The following IMPA1 variants were observed in gnomAD, a reference collection of about 807,000 sequenced individuals.
IMPA1 encodes the protein inositol monophosphatase 1.
IMPA1 carries 21 observed loss-of-function variants against 34.9 expected under a neutral mutation model. That is an observed-to-expected ratio of 0.60 (90% CI 0.43 to 0.87). The LOEUF (loss-of-function observed/expected upper bound fraction) is 0.87. Among genes scored for constraint, IMPA1 ranks in the 40% least tolerant of loss-of-function variants. IMPA1 has a pLI of 0.00. For missense variants in IMPA1, 299 were observed against 336.4 expected (o/e 0.89, Z 0.87); for synonymous variants, 95 against 104.4 (o/e 0.91, Z 0.55).
At chr8:81,684,294 CTATA>C (rs578094112) in intron 1 of IMPA1, among the ~76,000 whole-genome samples, 62 of 140,236 alleles carry the variant, frequency 4.4e-4, no homozygotes, top group African/African-American at 1.6e-3. Flanking sequence ...TATTTAGATA[CTATA>C]TATAGTATAT....
intron 6 of IMPA1, 62 bp downstream of exon 6, chr8:81,673,779 A>G: frequency 2.1e-6 from 2 of 946,772 alleles, no homozygotes; most frequent in Non-Finnish European, 3.4e-6. Flanking sequence ...GGTGAATATT[A>G]AAAAACAATA....
chr8:81,680,951 C>CTT (rs1807281686), intron 2 of IMPA1, among the ~76,000 whole-genome samples, 168 bp from the exon 3 acceptor site: 1 of 152,070 alleles, frequency 6.6e-6, no homozygotes, highest in South Asian at 2.1e-4. Flanking sequence ...ATAGTTACGT[C>CTT]TTTCTAAAAA....
intron 7 of IMPA1, among the ~76,000 whole-genome samples, chr8:81,661,319 T>A (rs1806666788): frequency 6.6e-6 from 1 of 152,222 alleles, no homozygotes; most frequent in Non-Finnish European, 1.5e-5. Flanking sequence ...TGTCAAAGTG[T>A]CTCTCCACAA....
intron 7 of IMPA1, among the ~76,000 whole-genome samples, chr8:81,668,641 C>CA (rs952139618): frequency 4.6e-5 from 7 of 151,834 alleles, no homozygotes; most frequent in Non-Finnish European, 2.9e-5. Flanking sequence ...GGAAGCAGAG[C>CA]AAAAAAATTT....
intron 3 of IMPA1, 32 bp from the exon 4 acceptor site, chr8:81,679,262 T>A (rs1281879135): frequency 1.5e-6 from 2 of 1,308,028 alleles, no homozygotes; most frequent in Non-Finnish European, 2.2e-6. Context: ...CTCTTAATCT[T>A]TACACTGATT....
intron 2 of IMPA1, 140 bp downstream of exon 2, chr8:81,681,358 C>T (rs1282216844): frequency 1.1e-5 from 7 of 608,750 alleles, no homozygotes; most frequent in Non-Finnish European, 1.8e-5. Context: ...ATGTTCCTGC[C>T]ACTACATTCC....
chr8:81,685,534 G>A (rs1807487601), intron 1 of IMPA1, among the ~76,000 whole-genome samples: 1 of 143,838 alleles, frequency 7.0e-6, no homozygotes, highest in South Asian at 2.1e-4. Flanking sequence ...CTATATATAA[G>A]TATATATACG....
intron 5 of IMPA1, chr8:81,674,174 C>T: frequency 4.7e-6 from 2 of 427,592 alleles, no homozygotes; most frequent in South Asian, 9.5e-5. Flanking sequence ...TAAGAACACC[C>T]ACCTTACTTC....
intron 7 of IMPA1, among the ~76,000 whole-genome samples, chr8:81,670,171 T>C (rs551568349): frequency 2.0e-5 from 3 of 152,102 alleles, no homozygotes; most frequent in Non-Finnish European, 4.4e-5. Context: ...ACTCTCCTTG[T>C]GAAAATTTAA....
Position 81,684,685 on chromosome 8 carries a change from T to A in IMPA1, c.-25+1567A>T, listed in dbSNP as rs1257052144. Reference sequence around the variant, plus strand: ...TACACATAAGTATATTTAGATACTATGTGGAGTATAAATACTACACATAAG... The same window carrying A: ...TACACATAAGTATATTTAGATACTAAGTGGAGTATAAATACTACACATAAG... On this transcript the variant is annotated intron_variant, in intron 1 of 8. Transcript: ENST00000256108. Among the ~76,000 whole-genome samples, 8 of 83,974 alleles carry A rather than the reference T, an allele frequency of 9.5e-5. No homozygotes were observed. In the South Asian group the frequency reaches 2.5e-3, roughly 26 times the overall value. 55.1% of individuals were successfully genotyped at this position (83,974 alleles called of 152,430 possible).
chr8:81,679,874 G>C (rs1394762419), intron 3 of IMPA1, among the ~76,000 whole-genome samples: 1 of 151,934 alleles, frequency 6.6e-6, no homozygotes, highest in South Asian at 2.1e-4. Flanking sequence ...TGGTGGCTCA[G>C]GTCTGTAATC....
At chr8:81,678,987 TTA>T (rs1228421036) in intron 4 of IMPA1, 137 bp downstream of exon 4, 5 of 579,958 alleles carry the variant, frequency 8.6e-6, no homozygotes, top group Non-Finnish European at 1.5e-5. Context: ...CTTTTACATT[TTA>T]TATATACTTT....
chr8:81,669,766 T>C (rs1442465092), intron 7 of IMPA1, among the ~76,000 whole-genome samples: 1 of 152,156 alleles, frequency 6.6e-6, no homozygotes, highest in Admixed American at 6.5e-5. Context: ...GGTGGAATGC[T>C]GTGGTTTGAA....
intron 1 of IMPA1, among the ~76,000 whole-genome samples, chr8:81,683,778 A>G (rs1807374006): frequency 8.9e-6 from 1 of 111,968 alleles, no homozygotes; most frequent in Non-Finnish European, 1.7e-5. Context: ...TGAGGTCCTG[A>G]GTCTGGATAA....
chr8:81,666,267 TA>T (rs1028287393), intron 7 of IMPA1, among the ~76,000 whole-genome samples: 3 of 152,068 alleles, frequency 2.0e-5, no homozygotes, highest in Non-Finnish European at 2.9e-5. Flanking sequence ...CCTGCTGGAA[TA>T]AAATGTAATC....
In IMPA1 at chr8:81,658,885, G is replaced by T. The variant is rs989847479; in HGVS notation, c.*466C>A. 1.3e-5 allele frequency: 2 copies of T among 155,900 alleles called. No homozygotes were observed. Among genetic ancestry groups the T allele is most frequent in the Non-Finnish European group, 2.8e-5 (2 of 70,984 alleles). 9.7% of individuals were successfully genotyped at this position (155,900 alleles called of 1,614,324 possible). ...AACACTGAAGAATAAAACAAAAAAG[G>T]TTCTCTGCAAAGAAAAAAAAGTTGG... On this transcript the variant is annotated 3_prime_UTR_variant, in exon 9 of 9. Coordinates refer to ENST00000256108, the MANE Select transcript of IMPA1 (RefSeq NM_005536.4).
At chr8:81,678,502 G>C (rs1807194248) in intron 4 of IMPA1, 1 of 155,326 alleles carries the variant, frequency 6.4e-6, no homozygotes, top group Non-Finnish European at 1.4e-5. Context: ...GACCAGCCTG[G>C]CCAACATGGT....
At chr8:81,685,851 T>G in intron 1 of IMPA1, 1 of 1,550,414 alleles carries the variant, frequency 6.4e-7, no homozygotes, top group Non-Finnish European at 8.7e-7. Context: ...CCAGGCCACC[T>G]TCCTTTTTGC....
At chr8:81,672,653 C>T (rs1563585607) in intron 6 of IMPA1, among the ~76,000 whole-genome samples, 1 of 152,202 alleles carries the variant, frequency 6.6e-6, no homozygotes, top group Non-Finnish European at 1.5e-5. Context: ...AGAAGTGTGT[C>T]CTGGGCTGCA....
Sources: gnomAD v4.1 joint callset for allele counts (sites outside exome capture counted in the v4.1 genomes callset) on GRCh38, gnomAD v4.1.1 for gene constraint, MANE v1.5 for transcripts, NCBI Gene and HGNC (gene_info 2026-07-23, HGNC 2026-07-21) for gene names.